TULP4: variants seen among roughly 807,000 people sequenced by gnomAD.
TULP4 encodes tubby-related protein 4.
A neutral mutation model predicts 129.0 loss-of-function variants in TULP4; 16 were observed. The ratio of observed to expected loss-of-function variants is 0.12; its 90% CI spans 0.08 to 0.19. The LOEUF is 0.19. Ranked by LOEUF, TULP4 falls within the 10% of genes least tolerant of loss-of-function variation. TULP4 has a pLI of 1.00. For synonymous variants in TULP4, 998 were observed against 854.0 expected (o/e 1.17, Z -2.94); for missense variants, 1,842 against 2,059.1 (o/e 0.89, Z 2.04).
chr6:158,264,181 G>A (rs148115247), intron 1 of TULP4, among the ~76,000 whole-genome samples: 69 of 152,330 alleles, frequency 4.5e-4, no homozygotes, highest in Non-Finnish European at 6.6e-4. Context: ...TTGGGCAGGC[G>A]CAGAGGAAGT....
At chr6:158,442,870 A>G (rs995474920) in intron 3 of TULP4, among the ~76,000 whole-genome samples, 4 of 151,120 alleles carry the variant, frequency 2.6e-5, no homozygotes, top group African/African-American at 4.9e-5. Context: ...CTAGAGTGCA[A>G]TGGCGCTATC....
chr6:158,346,015 G>A (rs944429297), intron 1 of TULP4, among the ~76,000 whole-genome samples: 2 of 152,118 alleles, frequency 1.3e-5, no homozygotes, highest in African/African-American at 2.4e-5. Flanking sequence ...CTACTGGCAC[G>A]TCCGTTTATA....
chr6:158,292,807 T>C (rs1452180798), intron 1 of TULP4, among the ~76,000 whole-genome samples: 1 of 152,208 alleles, frequency 6.6e-6, no homozygotes, highest in African/African-American at 2.4e-5. Context: ...AGAAGTGGAA[T>C]TGATGAATCA....
chr6:158,300,368 T>C, intron 1 of TULP4, among the ~76,000 whole-genome samples: 1 of 152,198 alleles, frequency 6.6e-6, no homozygotes, highest in South Asian at 2.1e-4. Context: ...TAGGAACATT[T>C]AGAAAGTTTA....
intron 1 of TULP4, among the ~76,000 whole-genome samples, chr6:158,300,979 C>T (rs188267000): frequency 4.6e-5 from 7 of 152,268 alleles, no homozygotes; most frequent in South Asian, 2.1e-4. Flanking sequence ...TCGACCTTAT[C>T]GTTACCAGCA....
intron 2 of TULP4, among the ~76,000 whole-genome samples, chr6:158,423,101 A>T (rs1302988543): frequency 9.0e-6 from 1 of 111,384 alleles, no homozygotes; most frequent in African/African-American, 3.3e-5. Flanking sequence ...ATACAGCAAG[A>T]CCCCTTCCTC....
At chr6:158,343,285 G>GA (rs1352946134) in intron 1 of TULP4, among the ~76,000 whole-genome samples, 2 of 152,160 alleles carry the variant, frequency 1.3e-5, no homozygotes, top group African/African-American at 4.8e-5. Flanking sequence ...ATGGTGTTGT[G>GA]ATTTAGATTC....
chr6:158,463,144 T>C (rs1297511141), intron 6 of TULP4, among the ~76,000 whole-genome samples: 1 of 152,202 alleles, frequency 6.6e-6, no homozygotes, highest in Admixed American at 6.5e-5. Flanking sequence ...TGGTGGCTTA[T>C]TCTAGTCTCC....
intron 6 of TULP4, among the ~76,000 whole-genome samples, chr6:158,466,183 C>T (rs1231689877): frequency 6.6e-6 from 1 of 152,192 alleles, no homozygotes; most frequent in Non-Finnish European, 1.5e-5. Flanking sequence ...TGTGTCCAGC[C>T]TCCCTTCCTG....
At chr6:158,341,793 T>G (rs945750200) in intron 1 of TULP4, among the ~76,000 whole-genome samples, 24 of 152,332 alleles carry the variant, frequency 1.6e-4, no homozygotes, top group African/African-American at 5.8e-4. Flanking sequence ...TTTGAATTTC[T>G]TATATATTCT....
intron 1 of TULP4, among the ~76,000 whole-genome samples, chr6:158,409,860 C>CTT (rs544809072): frequency 6.9e-6 from 1 of 145,682 alleles, no homozygotes; most frequent in African/African-American, 2.5e-5. Flanking sequence ...GATTAAGAAT[C>CTT]TTTTTTTTTT....
chr6:158,437,340 T>C (rs935698367), intron 3 of TULP4, among the ~76,000 whole-genome samples: 6 of 152,146 alleles, frequency 3.9e-5, no homozygotes, highest in African/African-American at 1.4e-4. Context: ...AGCAGGAGAA[T>C]TGCTTGAGGC....
At position 158,403,414 on chromosome 6, in the gene TULP4, AC is replaced by A. The variant is rs1292925960; in HGVS notation, c.253-9649del. 4.6e-5 allele frequency among the ~76,000 whole-genome samples: 7 copies of A among 152,218 alleles called. No individual in the cohort carries two copies. In the East Asian group the frequency reaches 1.4e-3, roughly 29 times the overall value. On this transcript the variant is annotated intron_variant, in intron 1 of 13. Transcript: ENST00000367097. Reference sequence around the variant, plus strand: ...GAGTGCAATGGCGTGATCTTGGCTCACCACAACCTCCGCCTCTCGGGTTCAA... The same window carrying A: ...GAGTGCAATGGCGTGATCTTGGCTCACACAACCTCCGCCTCTCGGGTTCAA...
At chr6:158,236,362 T>TA (rs1277554050) in intron 1 of TULP4, among the ~76,000 whole-genome samples, 1 of 152,244 alleles carries the variant, frequency 6.6e-6, no homozygotes. Flanking sequence ...TCAATTTATA[T>TA]AGACCCTTAA....
chr6:158,257,886 A>G (rs569383622), intron 1 of TULP4, among the ~76,000 whole-genome samples: 61 of 152,298 alleles, frequency 4.0e-4, no homozygotes, highest in Middle Eastern at 3.4e-3. Context: ...CTGTGGCCCA[A>G]GGGCCTACCA....
intron 1 of TULP4, chr6:158,237,290 G>T: frequency 7.3e-7 from 1 of 1,368,648 alleles, no homozygotes; most frequent in Non-Finnish European, 1.0e-6. Context: ...TATTCCTAAT[G>T]TTACCGAGAC....
rs766970809 is a variant in TULP4, at chr6:158,300,670, G to T, written n.117-11381G>T. Among the ~76,000 whole-genome samples the T allele has an allele frequency of 2.0e-5, 3 of 152,188 alleles. No individual in the cohort carries two copies. In the South Asian group the frequency reaches 6.2e-4, roughly 31 times the overall value. ...CTTTTAATATTGGCTGTGCCTTCCC[G>T]TTTGGCAAGTAGCCCAAATAAAACC... On this transcript the variant is annotated intron_variant and non_coding_transcript_variant, in intron 1 of 1. Transcript: ENST00000432358.
chr6:158,286,463 G>A (rs905269144), intron 1 of TULP4, among the ~76,000 whole-genome samples: 2 of 152,194 alleles, frequency 1.3e-5, no homozygotes, highest in Non-Finnish European at 2.9e-5. Context: ...AACCACGAGA[G>A]TAAACTTTTT....
At position 158,509,445 on chromosome 6, in the gene TULP4, G is replaced by A. The variant is rs965590327; in HGVS notation, c.*2751G>A. On this transcript the variant is annotated 3_prime_UTR_variant, in exon 14 of 14. Coordinates refer to ENST00000367097, the MANE Select transcript of TULP4 (RefSeq NM_020245.5). The stretch of plus-strand genomic sequence containing the variant: ...CAAGGAAAGAGTTACTAGGTAATAA[G>A]CTTCACTTTTTGTGTTCTAATTGTT... The A allele has an allele frequency of 6.6e-6, 1 of 152,060 alleles. No homozygotes were observed. Among genetic ancestry groups the A allele is most frequent in the Non-Finnish European group, 1.5e-5 (1 of 68,006 alleles). 9.4% of individuals were successfully genotyped at this position (152,060 alleles called of 1,614,324 possible).
Sources: allele counts gnomAD v4.1 joint callset (sites outside exome capture counted in the v4.1 genomes callset), GRCh38; gene constraint gnomAD v4.1.1; transcripts MANE v1.5; gene names NCBI Gene and HGNC (gene_info 2026-07-23, HGNC 2026-07-21).